The following TM6SF1 variants were observed in gnomAD, a reference collection of about 807,000 sequenced individuals.
The protein encoded by TM6SF1 is transmembrane 6 superfamily member 1.
Under a neutral mutation model 47.1 loss-of-function variants are expected in TM6SF1, and 43 were observed. That is an observed-to-expected ratio of 0.91 (90% CI 0.72 to 1.18). The LOEUF (loss-of-function observed/expected upper bound fraction) is 1.18, where lower values mean the gene tolerates loss of function less well. TM6SF1 is among the 50% of genes most tolerant of loss of function. The pLI is 0.00. For missense variants in TM6SF1, 390 were observed against 449.0 expected (o/e 0.87, Z 1.19); for synonymous variants, 177 against 166.3 (o/e 1.06, Z -0.49).
At chr15:83,119,513 C>T (rs931235211) in intron 3 of TM6SF1, 65 bp from the exon 4 acceptor site, 3 of 1,500,798 alleles carry the variant, frequency 2.0e-6, no homozygotes, top group African/African-American at 1.4e-5. Flanking sequence ...ACTTGCAATA[C>T]AGGTCTGATG....
chr15:83,111,309 TCATC>T (rs758970246), intron 1 of TM6SF1, among the ~76,000 whole-genome samples: 11 of 152,132 alleles, frequency 7.2e-5, no homozygotes, highest in East Asian at 1.9e-4. Context: ...AATTCATCCA[TCATC>T]CATCCATCCA....
At chr15:83,135,654 C>T (rs1302947077) in intron 9 of TM6SF1, 1 of 152,098 alleles carries the variant, frequency 6.6e-6, no homozygotes, top group East Asian at 1.9e-4. Flanking sequence ...TCAAAAAAGA[C>T]CAATTGGCAC....
chr15:83,110,251 G>C (rs2034025516), intron 1 of TM6SF1, among the ~76,000 whole-genome samples: 1 of 152,076 alleles, frequency 6.6e-6, no homozygotes, highest in South Asian at 2.1e-4. Flanking sequence ...CTCTCAGTAG[G>C]TGTCTGTTCA....
Position 83,107,680 on chromosome 15 carries a change from G to T in TM6SF1, c.-1G>T, listed in dbSNP as rs753740226. The stretch of plus-strand genomic sequence containing the variant: ...GAAGGGCGAGCGGCGCGGCGGCTGC[G>T]ATGAGTGCCTCTGCGGCCACCGGGG... On this transcript the variant is annotated 5_prime_UTR_variant, in exon 1 of 10. Coordinates refer to ENST00000322019, the MANE Select transcript of TM6SF1 (RefSeq NM_023003.5). The surrounding 1 kb of genome is among the most constrained non-coding windows in gnomAD (Gnocchi z 5.6). 6 of 1,546,982 alleles carry T rather than the reference G, an allele frequency of 3.9e-6. No homozygotes were observed. The African/African-American group carries it at 8.5e-5, about 22-fold the overall frequency.
chr15:83,110,003 G>A (rs1447101932), intron 1 of TM6SF1, among the ~76,000 whole-genome samples: 1 of 152,082 alleles, frequency 6.6e-6, no homozygotes, highest in Non-Finnish European at 1.5e-5. Flanking sequence ...GAACTTACCT[G>A]CCCCGGCTAT....
At chr15:83,122,129 A>G (rs2035313887) in intron 5 of TM6SF1, 126 bp downstream of exon 5, 1 of 790,260 alleles carries the variant, frequency 1.3e-6, no homozygotes, top group Non-Finnish European at 2.0e-6. Context: ...CCTGTTTTGC[A>G]GAATAATTCC....
In TM6SF1 at chr15:83,127,304, C is replaced by G. The variant is rs559877216; in HGVS notation, c.802-54C>G. On this transcript the variant is annotated intron_variant, in intron 8 of 9. Coordinates refer to ENST00000322019, the MANE Select transcript of TM6SF1 (RefSeq NM_023003.5). ...TGTTTACTTTTTTGTACTTTTTAGT[C>G]AGGCCAAGTTAACTGCCAATTTGCT... The G allele has an allele frequency of 2.2e-5, 32 of 1,481,676 alleles. No individual in the cohort carries two copies. In the East Asian group the frequency reaches 8.0e-4, roughly 37 times the overall value. 91.8% of individuals were successfully genotyped at this position (1,481,676 alleles called of 1,614,324 possible). A position where few individuals can be genotyped will look rare whatever the true frequency, so the allele number is the denominator to read the frequency against.
intron 6 of TM6SF1, among the ~76,000 whole-genome samples, chr15:83,124,151 CAT>C (rs1034243101): frequency 1.3e-5 from 2 of 152,024 alleles, no homozygotes; most frequent in Non-Finnish European, 2.9e-5. Context: ...AATTTTTAAA[CAT>C]GTGGGAAAGT....
rs1008316266 is a variant in TM6SF1 at position 83,126,319 on chromosome 15, T to C, written c.709-436T>C. 2.6e-5 allele frequency among the ~76,000 whole-genome samples: 4 copies of C among 152,192 alleles called. No individual in the cohort carries two copies. The East Asian group carries it at 7.7e-4, about 29-fold the overall frequency. ...CATCTTTTACTGCCTCCAAAGGCCA[T>C]ATACGCTATGATGCACTGGAGACAG... is the stretch of plus-strand genomic sequence containing the variant. On this transcript the variant is annotated intron_variant, in intron 7 of 9. Transcript: ENST00000322019.
chr15:83,116,927 A>T (rs2034719424), intron 3 of TM6SF1, among the ~76,000 whole-genome samples: 2 of 152,154 alleles, frequency 1.3e-5, no homozygotes, highest in South Asian at 4.1e-4. Context: ...ATTTCTGCAG[A>T]CATTTGTTGA....
At chr15:83,124,298 TG>T (rs1173814138) in intron 6 of TM6SF1, among the ~76,000 whole-genome samples, 1 of 152,194 alleles carries the variant, frequency 6.6e-6, no homozygotes, top group Non-Finnish European at 1.5e-5. Flanking sequence ...ATATGTATGT[TG>T]TGTGTATGTA....
At chr15:83,124,013 C>A (rs1430799744) in intron 6 of TM6SF1, among the ~76,000 whole-genome samples, 1 of 152,164 alleles carries the variant, frequency 6.6e-6, no homozygotes, top group East Asian at 1.9e-4. Flanking sequence ...AATCATCACA[C>A]AGATACCACC....
intron 3 of TM6SF1, among the ~76,000 whole-genome samples, chr15:83,117,995 C>T (rs998697228): frequency 1.3e-5 from 2 of 152,090 alleles, no homozygotes; most frequent in African/African-American, 4.8e-5. Context: ...TGAGAGACTG[C>T]ATAGGAGAAT....
chr15:83,110,461 C>T (rs1158232231), intron 1 of TM6SF1, among the ~76,000 whole-genome samples: 3 of 152,154 alleles, frequency 2.0e-5, no homozygotes, highest in Non-Finnish European at 4.4e-5. Context: ...CCTAGTTTCC[C>T]TTCATTCTTC....
chr15:83,134,647 G>C (rs965002336), intron 9 of TM6SF1: 1 of 152,204 alleles, frequency 6.6e-6, no homozygotes, highest in East Asian at 1.9e-4. Flanking sequence ...TATGCAAGTA[G>C]GCACAACTGC....
intron 9 of TM6SF1, chr15:83,133,696 C>A (rs1454998468): frequency 1.3e-5 from 2 of 152,250 alleles, no homozygotes; most frequent in Admixed American, 6.5e-5. Context: ...TCAGGCTGAG[C>A]TCTTCAGGTC....
Position 83,121,942 on chromosome 15 carries a change from C to T in TM6SF1, c.420C>T (p.Gly140=). The T allele has an allele frequency of 1.2e-6, 2 of 1,608,556 alleles. No individual in the cohort carries two copies. The highest frequency in any genetic ancestry group is 1.7e-6 in the Non-Finnish European group (2 of 1,178,534). The part of the protein sequence containing the change: ...IAWEETYRTI[G]LYWVGSIIMS... ...ACAGGGAAACTTATAGAACCATTGG[C>T]CTATATTGGGTTGGATCTATTATTA... Residue 140 remains glycine (G), a synonymous_variant, in exon 5 of 10, where the codon GGC becomes GGT. Transcript: ENST00000322019.
At chr15:83,119,726 G>T in intron 4 of TM6SF1, 45 bp downstream of exon 4, 3 of 1,611,958 alleles carry the variant, frequency 1.9e-6, no homozygotes, top group Non-Finnish European at 2.5e-6. Context: ...CTTAGCAACC[G>T]ATAAGCGGGT....
chr15:83,123,985 A>G (rs998418147), intron 6 of TM6SF1, among the ~76,000 whole-genome samples: 1 of 152,226 alleles, frequency 6.6e-6, no homozygotes, highest in Non-Finnish European at 1.5e-5. Flanking sequence ...TTCTGCTCCT[A>G]GAGCCCTATC....
Sources: gnomAD v4.1 joint callset for allele counts (sites outside exome capture counted in the v4.1 genomes callset) on GRCh38, gnomAD v4.1.1 for gene constraint, Gnocchi (gnomAD v3.1) non-coding constraint, MANE v1.5 for transcripts, NCBI Gene and HGNC (gene_info 2026-07-23, HGNC 2026-07-21) for gene names.